CHD4: variants seen among roughly 807,000 people sequenced by gnomAD.
The protein encoded by CHD4 is chromodomain helicase DNA binding protein 4.
Under a neutral mutation model 235.5 loss-of-function variants are expected in CHD4, and 35 were observed. The ratio of observed to expected loss-of-function variants is 0.15; its 90% CI spans 0.11 to 0.20. CHD4 has a LOEUF of 0.20. Ranked by LOEUF, CHD4 falls within the 10% of genes least tolerant of loss-of-function variation. CHD4 has a pLI of 1.00. For synonymous variants in CHD4, 900 were observed against 850.2 expected (o/e 1.06, Z -1.02); for missense variants, 1,329 against 2,432.3 (o/e 0.55, Z 9.54).
chr12:6,605,581 G>C (rs1465193262), intron 2 of CHD4, among the ~76,000 whole-genome samples: 1 of 152,100 alleles, frequency 6.6e-6, no homozygotes, highest in Non-Finnish European at 1.5e-5. Context: ...GAAGCCACTA[G>C]GAAAAAAGCC....
At chr12:6,601,909 CAAAA>C (rs753567548) in intron 4 of CHD4, 47 bp downstream of exon 4, 35 of 1,600,034 alleles carry the variant, frequency 2.2e-5, no homozygotes, top group Non-Finnish European at 2.7e-5. Context: ...GTCTAGGAAA[CAAAA>C]AGACAAAAGT....
chr12:6,607,057 G>C (rs1433792834), intron 1 of CHD4: 2 of 151,202 alleles, frequency 1.3e-5, no homozygotes, highest in Non-Finnish European at 3.0e-5. Flanking sequence ...TGGGCGCCGG[G>C]CATTGTGGGA....
Position 6,587,809 on chromosome 12 carries a change from C to T in CHD4, c.3606G>A (p.Gly1202=), listed in dbSNP as rs1247823114. 5 of 1,614,236 alleles carry T rather than the reference C, an allele frequency of 3.1e-6. No homozygotes were observed. Among genetic ancestry groups the T allele is most frequent in the Non-Finnish European group, 2.5e-6 (3 of 1,180,042 alleles). ...MMLTHLVVRP[G]LGSKTGSMSK... The stretch of plus-strand genomic sequence containing the variant: ...ACATAGATCCAGTCTTGGAGCCCAG[C>T]CCAGGCCGCACCACTAGATGCGTCA... The change falls in exon 24 of 40, where the codon GGG becomes GGA. Residue 1202 remains glycine (G), a synonymous_variant. Coordinates refer to ENST00000544040, the MANE Select transcript of CHD4 (RefSeq NM_001273.5).
At chr12:6,581,503 C>T in intron 31 of CHD4, 115 bp from the exon 32 acceptor site, 1 of 1,513,636 alleles carries the variant, frequency 6.6e-7, no homozygotes, top group South Asian at 1.1e-5. Flanking sequence ...AAGAGCCAGC[C>T]CTATTCTTAG....
chr12:6,581,552 C>T, intron 31 of CHD4, 97 bp downstream of exon 31: 1 of 1,578,468 alleles, frequency 6.3e-7, no homozygotes, highest in South Asian at 1.1e-5. Context: ...GCTGTGTGTC[C>T]TGCCAGACTA....
intron 22 of CHD4, among the ~76,000 whole-genome samples, chr12:6,590,366 T>TA (rs1948373137): frequency 6.6e-6 from 1 of 152,216 alleles, no homozygotes; most frequent in African/African-American, 2.4e-5. Flanking sequence ...TATAGTACAA[T>TA]ACCAATGTTA....
chr12:6,570,774 C>T, intron 39 of CHD4, 81 bp from the exon 40 acceptor site: 1 of 1,611,878 alleles, frequency 6.2e-7, no homozygotes, highest in Non-Finnish European at 8.5e-7. Context: ...GATAGGCCAC[C>T]CACCCAGTAT....
chr12:6,592,798 C>A lies in CHD4; in HGVS notation c.2672G>T (p.Gly891Val). 1.2e-6 allele frequency: 2 copies of A among 1,612,518 alleles called. No individual in the cohort carries two copies. The highest frequency in any genetic ancestry group is 1.7e-6 in the Non-Finnish European group (2 of 1,179,680). ...CAACAGCTTGTGCTGGAGTGAGTAA[C>A]CATTCAATACCCGGAAGAACTGGTG... ...NQSKFFRVLNGYSLQHKLLLT... is the reference protein window; with the variant it reads ...NQSKFFRVLNVYSLQHKLLLT... Residue 891 changes from glycine to valine, a missense_variant, in exon 18 of 40, where the codon GGT becomes GTT. By Grantham distance (109) the Gly-to-Val change is moderately radical (BLOSUM62 -3). This residue lies in a region of CHD4 where 78 missense variants were observed against 174.8 expected (regional missense o/e 0.45). Coordinates refer to ENST00000544040, the MANE Select transcript of CHD4 (RefSeq NM_001273.5).
At chr12:6,602,899 T>C in intron 2 of CHD4, 1 of 172,242 alleles carries the variant, frequency 5.8e-6, no homozygotes, top group Admixed American at 5.6e-5. Flanking sequence ...TGAAAGATCC[T>C]ACTCAGAAGG....
intron 5 of CHD4, 45 bp from the exon 6 acceptor site, chr12:6,601,575 A>C: frequency 6.2e-7 from 1 of 1,613,012 alleles, no homozygotes. Flanking sequence ...TTTAAGAATA[A>C]AAAAAGAAAG....
At chr12:6,600,717 G>T (rs767839551) in intron 7 of CHD4, 48 bp from the exon 8 acceptor site, 1 of 1,605,636 alleles carries the variant, frequency 6.2e-7, no homozygotes, top group Non-Finnish European at 8.5e-7. Flanking sequence ...CCAAGGGGAA[G>T]GACAGAGTGG....
chr12:6,605,182 G>C (rs565608066), intron 2 of CHD4, among the ~76,000 whole-genome samples: 1 of 152,176 alleles, frequency 6.6e-6, no homozygotes, highest in Admixed American at 6.5e-5. Context: ...TAAGAAGAGA[G>C]AAGGCAGAAG....
chr12:6,592,925 C>T (rs903108343), intron 17 of CHD4, 108 bp from the exon 18 acceptor site: 10 of 1,516,446 alleles, frequency 6.6e-6, no homozygotes, highest in African/African-American at 2.8e-5. Context: ...TCCCACTCCT[C>T]ACATTCTTTT....
At position 6,596,605 on chromosome 12, in the gene CHD4, G is replaced by A. The variant is rs367728804; in HGVS notation, c.1893-468C>T. ...ACCTGAGGTCGGGAGTTCAAGACCA[G>A]TCTGGCCAGCATGGAGAAACCCCGT... On this transcript the variant is annotated intron_variant, in intron 12 of 39. Coordinates refer to ENST00000544040, the MANE Select transcript of CHD4 (RefSeq NM_001273.5). Among the ~76,000 whole-genome samples, 57 of 151,888 alleles carry A rather than the reference G, an allele frequency of 3.8e-4. No individual in the cohort carries two copies. The South Asian group carries it at 0.012, about 31-fold the overall frequency.
chr12:6,592,455 C>T lies in CHD4; in HGVS notation c.2886G>A (p.Val962=), dbSNP rs1178800229. 4 of 1,611,740 alleles carry T rather than the reference C, an allele frequency of 2.5e-6. No individual in the cohort carries two copies. In the South Asian group the frequency reaches 4.4e-5, roughly 18 times the overall value. ...PHMLRRLKAD[V]FKNMPSKTEL... Reference sequence around the variant, plus strand: ...CTGTCTTGGAGGGCATGTTCTTGAACACATCGGCTTTGAGCCGCCGCAACA... The same window carrying T: ...CTGTCTTGGAGGGCATGTTCTTGAATACATCGGCTTTGAGCCGCCGCAACA... Residue 962 remains valine, a synonymous_variant, in exon 19 of 40, where the codon GTG becomes GTA. Coordinates refer to ENST00000544040, the MANE Select transcript of CHD4 (RefSeq NM_001273.5).
In CHD4 at chr12:6,581,722, G is replaced by A. The variant is rs1258620919; in HGVS notation, c.4608C>T (p.Pro1536=). Reference sequence around the variant, plus strand: ...TGGAGGGTGTAGGAGTTTTTGGGGAGGGTGACCCTGGCTGGGACATCTTCT... The same window carrying A: ...TGGAGGGTGTAGGAGTTTTTGGGGAAGGTGACCCTGGCTGGGACATCTTCT... ...ENKKMSQPGS[P]SPKTPTPSTP... The change falls in exon 31 of 40, where the codon CCC becomes CCT. Residue 1536 remains proline (P), a synonymous_variant. Coordinates refer to ENST00000544040, the MANE Select transcript of CHD4 (RefSeq NM_001273.5). The A allele has an allele frequency of 3.1e-6, 5 of 1,606,540 alleles. No individual in the cohort carries two copies. Among genetic ancestry groups the A allele is most frequent in the Non-Finnish European group, 4.3e-6 (5 of 1,175,668 alleles).
At chr12:6,595,470 T>C (rs1310583572) in intron 13 of CHD4, 40 bp from the exon 14 acceptor site, 3 of 1,577,814 alleles carry the variant, frequency 1.9e-6, no homozygotes, top group Non-Finnish European at 2.6e-6. Flanking sequence ...CAAAATCCTT[T>C]TCTATAGAAG....
chr12:6,595,279 A>G, intron 14 of CHD4, 55 bp downstream of exon 14: 1 of 1,407,582 alleles, frequency 7.1e-7, no homozygotes, highest in Non-Finnish European at 1.0e-6. Context: ...ATTAGACTGC[A>G]GCAAAGATAC....
chr12:6,599,350 G>A (rs1221195699), intron 10 of CHD4, among the ~76,000 whole-genome samples: 1 of 151,950 alleles, frequency 6.6e-6, no homozygotes, highest in Non-Finnish European at 1.5e-5. Flanking sequence ...TGAGATAGGA[G>A]GATCACTTGA....
Sources: allele counts gnomAD v4.1 joint callset (sites outside exome capture counted in the v4.1 genomes callset), GRCh38; gene constraint gnomAD v4.1.1; regional missense constraint gnomAD v4.1.1; transcripts MANE v1.5; gene names NCBI Gene and HGNC (gene_info 2026-07-23, HGNC 2026-07-21).